The following GAB2 variants were observed in gnomAD, a reference collection of about 807,000 sequenced individuals.
GAB2 encodes the protein GRB2 associated binding protein 2.
A neutral mutation model predicts 65.5 loss-of-function variants in GAB2; 26 were observed. The observed-to-expected ratio is 0.40, with a 90% CI of 0.29 to 0.55. The LOEUF (loss-of-function observed/expected upper bound fraction) is 0.55. GAB2 is among the 20% of genes least tolerant of loss of function. GAB2 has a pLI of 0.53. For synonymous variants in GAB2, 321 were observed against 329.6 expected (o/e 0.97, Z 0.28); for missense variants, 884 against 875.8 (o/e 1.01, Z -0.12).
At chr11:78,225,739 T>C (rs1208559228) in intron 4 of GAB2, among the ~76,000 whole-genome samples, 1 of 152,214 alleles carries the variant, frequency 6.6e-6, no homozygotes, top group Non-Finnish European at 1.5e-5. Context: ...ACAATGACTC[T>C]GCAACTCTAT....
chr11:78,405,091 ATTTTTTTTTTTTT>A (rs1174366754), intron 1 of GAB2, among the ~76,000 whole-genome samples: 1 of 93,280 alleles, frequency 1.1e-5, no homozygotes, highest in Non-Finnish European at 1.9e-5. Flanking sequence ...AAAAACATGG[ATTTTTTTTTTTTT>A]TTTTTTTTTT....
In GAB2 at chr11:78,243,622, C is replaced by T. The variant is rs138259546; in HGVS notation, c.620+6535G>A. On this transcript the variant is annotated intron_variant, in intron 3 of 9. Coordinates refer to ENST00000361507, the MANE Select transcript of GAB2 (RefSeq NM_080491.3). ...TTGGGAGGCCGAGGCGGGCAGATCA[C>T]GAGGTCAGGGGATCGAGACCATCCT... Among the ~76,000 whole-genome samples the T allele has an allele frequency of 8.0e-3, 1,219 of 151,636 alleles. 17 individuals carry two copies. The highest frequency in any genetic ancestry group is 0.027 in the African/African-American group (1,109 of 41,368).
At chr11:78,289,609 C>T (rs1430494616) in intron 1 of GAB2, among the ~76,000 whole-genome samples, 2 of 151,978 alleles carry the variant, frequency 1.3e-5, no homozygotes, top group Admixed American at 6.6e-5. Flanking sequence ...ATATATATCC[C>T]TAAAACTAGA....
chr11:78,334,888 T>C (rs1490427304), intron 1 of GAB2, among the ~76,000 whole-genome samples: 1 of 152,226 alleles, frequency 6.6e-6, no homozygotes, highest in African/African-American at 2.4e-5. Flanking sequence ...TTTCCTTTTC[T>C]CTACATCCTC....
intron 8 of GAB2, among the ~76,000 whole-genome samples, chr11:78,220,886 A>C (rs906743707): frequency 6.6e-6 from 1 of 152,134 alleles, no homozygotes; most frequent in Non-Finnish European, 1.5e-5. Flanking sequence ...TATGCACTGG[A>C]AAGTTTTCTT....
At chr11:78,230,354 G>C (rs1403203049) in intron 3 of GAB2, among the ~76,000 whole-genome samples, 1 of 152,126 alleles carries the variant, frequency 6.6e-6, no homozygotes, top group African/African-American at 2.4e-5. Context: ...CTTCAGCCCT[G>C]GTCTTGCATT....
intron 1 of GAB2, among the ~76,000 whole-genome samples, chr11:78,386,079 C>T (rs1856762343): frequency 6.6e-6 from 1 of 152,134 alleles, no homozygotes; most frequent in Non-Finnish European, 1.5e-5. Context: ...ATTCTTTATT[C>T]TTTGTCAGGA....
At position 78,280,823 on chromosome 11, in the gene GAB2, C is replaced by A; in HGVS notation, c.154G>T (p.Asp52Tyr). ...ATCCGCAGAGGCTTCTTGGAGTGAT[C>A]GTTCTTGTAGTATTCCAGAACATCT... is the stretch of plus-strand genomic sequence containing the variant. The part of the protein sequence containing the change: ...DPDVLEYYKN[D>Y]HSKKPLRIIN... The change falls in exon 2 of 10, where the codon GAT becomes TAT. Residue 52 changes from aspartate to tyrosine, a missense_variant. Asp to Tyr is a radical substitution (Grantham distance 160, BLOSUM62 -3). Coordinates refer to ENST00000361507, the MANE Select transcript of GAB2 (RefSeq NM_080491.3). 1.9e-6 allele frequency: 3 copies of A among 1,613,898 alleles called. 1 individual carries two copies.
chr11:78,354,672 C>T (rs764973088), intron 1 of GAB2, among the ~76,000 whole-genome samples: 76 of 152,256 alleles, frequency 5.0e-4, no homozygotes, highest in Non-Finnish European at 1.0e-3. Context: ...ACACAGGGGA[C>T]TTTTCTGAAG....
At chr11:78,270,422 A>G (rs73494624) in intron 2 of GAB2, among the ~76,000 whole-genome samples, 4,207 of 152,168 alleles carry the variant, frequency 0.028, 152 homozygotes, top group African/African-American at 0.088. Context: ...TTTGTGACTT[A>G]GAAGCAGCCA....
chr11:78,329,599 A>T (rs971999601), intron 1 of GAB2, among the ~76,000 whole-genome samples: 40 of 152,158 alleles, frequency 2.6e-4, no homozygotes, highest in African/African-American at 8.9e-4. Context: ...TAGGTACTCA[A>T]CAAGTACAAG....
At chr11:78,329,835 C>T (rs1029448766) in intron 1 of GAB2, among the ~76,000 whole-genome samples, 1 of 152,214 alleles carries the variant, frequency 6.6e-6, no homozygotes, top group African/African-American at 2.4e-5. Context: ...TAGGTTGGCC[C>T]ACTCAACATC....
chr11:78,246,645 C>T (rs1376115539), intron 3 of GAB2, among the ~76,000 whole-genome samples: 17 of 151,954 alleles, frequency 1.1e-4, no homozygotes, highest in Non-Finnish European at 4.4e-5. Flanking sequence ...ATTACAGGGG[C>T]CCACTACCAA....
At chr11:78,324,397 G>A (rs145859023) in intron 1 of GAB2, among the ~76,000 whole-genome samples, 41 of 152,202 alleles carry the variant, frequency 2.7e-4, no homozygotes, top group African/African-American at 9.9e-4. Context: ...AATGTGCCTG[G>A]ATAGATGATA....
intron 8 of GAB2, among the ~76,000 whole-genome samples, chr11:78,221,189 C>A (rs756170449): frequency 3.3e-5 from 5 of 152,218 alleles, no homozygotes; most frequent in Non-Finnish European, 5.9e-5. Context: ...TTGGTTAATT[C>A]ATTCTTTCAC....
At chr11:78,385,027 C>G (rs1178439526) in intron 1 of GAB2, among the ~76,000 whole-genome samples, 1 of 152,124 alleles carries the variant, frequency 6.6e-6, no homozygotes, top group Non-Finnish European at 1.5e-5. Context: ...TGCCATCTCT[C>G]TAGGGTTAAA....
intron 1 of GAB2, among the ~76,000 whole-genome samples, chr11:78,323,896 C>T (rs187709723): frequency 4.0e-4 from 58 of 144,792 alleles, no homozygotes; most frequent in Middle Eastern, 3.8e-3. Flanking sequence ...CTCCCGGGTT[C>T]AAGCAATTTT....
intron 2 of GAB2, among the ~76,000 whole-genome samples, chr11:78,275,768 A>C (rs546509644): frequency 6.6e-6 from 1 of 152,334 alleles, no homozygotes; most frequent in East Asian, 1.9e-4. Flanking sequence ...GTATATATAC[A>C]CTAAAACACA....
intron 1 of GAB2, among the ~76,000 whole-genome samples, chr11:78,391,126 C>G (rs1357048488): frequency 6.6e-6 from 1 of 152,094 alleles, no homozygotes; most frequent in Admixed American, 6.6e-5. Context: ...GCAACACCAT[C>G]TCTACAAAAT....
Sources: gnomAD v4.1 joint callset for allele counts (sites outside exome capture counted in the v4.1 genomes callset) on GRCh38, gnomAD v4.1.1 for gene constraint, MANE v1.5 for transcripts, NCBI Gene and HGNC (gene_info 2026-07-23, HGNC 2026-07-21) for gene names.